ZGRF1: variants seen among roughly 807,000 people sequenced by gnomAD.
ZGRF1 encodes zinc finger GRF-type containing 1, also known as 5'-3' DNA helicase ZGRF1.
In ZGRF1, 196 loss-of-function variants were observed where a neutral mutation model predicts 203.5. The ratio of observed to expected loss-of-function variants is 0.96; its 90% CI spans 0.86 to 1.08. The LOEUF is 1.08. Ranked by LOEUF, ZGRF1 falls within the 50% of genes least tolerant of loss-of-function variation. ZGRF1 has a pLI of 0.00. For synonymous variants in ZGRF1, 809 were observed against 841.3 expected, an observed-to-expected ratio of 0.96 and a Z score of 0.66; for missense variants, 2,326 against 2,416.3, an observed-to-expected ratio of 0.96 and a Z score of 0.78.
chr4:112,604,597 C>T (rs1254275071), intron 9 of ZGRF1, among the ~76,000 whole-genome samples: 1 of 152,146 alleles, frequency 6.6e-6, no homozygotes, highest in Non-Finnish European at 1.5e-5. Context: ...TTTCTCTTTA[C>T]TTAGGGGTTT....
At position 112,586,462 on chromosome 4, in the gene ZGRF1, A is replaced by C. The variant is rs1470892857; in HGVS notation, c.3899T>G (p.Phe1300Cys). ...AGCCATACCTATGAGGCAAGATGTGAAAGTCTGCTTATAATGAGCAGGAGA... is the reference window on the plus strand; with the variant it reads ...AGCCATACCTATGAGGCAAGATGTGCAAGTCTGCTTATAATGAGCAGGAGA... ...FQSPAHYKQT[F>C]TSCLIEHLNI... Residue 1300 changes from phenylalanine to cysteine, a missense_variant, in exon 13 of 28, where the codon TTC (phenylalanine) becomes TGC (cysteine). Physicochemically the swap from Phe to Cys is radical, Grantham distance 205 (BLOSUM62 -2). Coordinates refer to ENST00000505019, the MANE Select transcript of ZGRF1 (RefSeq NM_018392.5). 3.7e-6 allele frequency: 6 copies of C among 1,610,384 alleles called. No individual in the cohort carries two copies. Among genetic ancestry groups the C allele is most frequent in the Non-Finnish European group, 5.1e-6 (6 of 1,177,992 alleles).
intron 9 of ZGRF1, chr4:112,605,549 C>A (rs1205593564): frequency 1.3e-5 from 2 of 155,108 alleles, no homozygotes; most frequent in Non-Finnish European, 1.4e-5. Context: ...TTTACAAAAC[C>A]CATCCATTTT....
chr4:112,567,263 A>G (rs549418660), intron 16 of ZGRF1, among the ~76,000 whole-genome samples: 92 of 152,212 alleles, frequency 6.0e-4, no homozygotes, highest in Non-Finnish European at 1.0e-3. Flanking sequence ...GCCTTCCCCA[A>G]CATATACTGC....
chr4:112,620,029 C>G lies in ZGRF1; in HGVS notation c.324G>C (p.Gln108His). ...FISSGRSLGC[Q>H]PSGLKRKFTG... Reference sequence around the variant, plus strand: ...TAAACTTCCTTTTTAAGCCAGAGGGCTGACATCCAAGAGATCGGCCAGAGG... The same window carrying G: ...TAAACTTCCTTTTTAAGCCAGAGGGGTGACATCCAAGAGATCGGCCAGAGG... The change falls in exon 5 of 28, where the codon CAG becomes CAC. Residue 108 changes from glutamine to histidine, a missense_variant. Coordinates refer to ENST00000505019, the MANE Select transcript of ZGRF1 (RefSeq NM_018392.5). 1 of 1,597,796 alleles carries G rather than the reference C, an allele frequency of 6.3e-7. No homozygotes were observed. The highest frequency in any genetic ancestry group is 8.5e-7 in the Non-Finnish European group (1 of 1,174,658).
In ZGRF1 at chr4:112,622,017, C is replaced by T. The variant is rs368616876; in HGVS notation, c.162+1800G>A. Among the ~76,000 whole-genome samples, 13 of 151,578 alleles carry T rather than the reference C, an allele frequency of 8.6e-5. No individual in the cohort carries two copies. The East Asian group carries it at 1.6e-3, about 19-fold the overall frequency. On this transcript the variant is annotated intron_variant, in intron 4 of 27. Coordinates refer to ENST00000505019, the MANE Select transcript of ZGRF1 (RefSeq NM_018392.5). ...TGCTGGGATTACAGGCGTGAGCCACCGCGCCTGGCCTGAAATGATTTTTAA... is the reference window on the plus strand; with the variant it reads ...TGCTGGGATTACAGGCGTGAGCCACTGCGCCTGGCCTGAAATGATTTTTAA...
Position 112,619,587 on chromosome 4 carries a change from G to A in ZGRF1, c.455C>T (p.Ser152Phe), listed in dbSNP as rs371670282. 1 of 1,613,854 alleles carries A rather than the reference G, an allele frequency of 6.2e-7. No homozygotes were observed. Among genetic ancestry groups the A allele is most frequent in the Non-Finnish European group, 8.5e-7 (1 of 1,179,878 alleles). The change falls in exon 6 of 28, where the codon TCT (serine) becomes TTT (phenylalanine). Residue 152 changes from serine to phenylalanine, a missense_variant. Transcript: ENST00000505019. ...EAKKTGPTIF[S>F]PFCSMPPLFP... ...CAAAGGAGGCATGCTGCAGAATGGA[G>A]AAAAAATAGTAGGGCCAGTTTTCTT...
At chr4:112,574,960 A>C (rs1430154036) in intron 16 of ZGRF1, among the ~76,000 whole-genome samples, 2 of 152,052 alleles carry the variant, frequency 1.3e-5, no homozygotes, top group Non-Finnish European at 2.9e-5. Flanking sequence ...CAGGAGGCAG[A>C]GACTGCAGTG....
chr4:112,632,189 CATTAAAT>C (rs2047433534), intron 2 of ZGRF1, among the ~76,000 whole-genome samples, 179 bp from the exon 3 acceptor site: 1 of 148,872 alleles, frequency 6.7e-6, no homozygotes, highest in Non-Finnish European at 1.5e-5. Flanking sequence ...ATGACAATAA[CATTAAAT>C]ATTAATTAAA....
At position 112,597,186 on chromosome 4, in the gene ZGRF1, CCTG is replaced by C. The variant is rs2149068872; in HGVS notation, c.2976+6335_2976+6337del. On this transcript the variant is annotated intron_variant, in intron 10 of 27. Transcript: ENST00000505019. ...CCGAGATCACACCACTGCACTCCAGCCTGGGTGACAGAGCCAAACTCCATCTAA... is the reference window on the plus strand; with the variant it reads ...CCGAGATCACACCACTGCACTCCAGCGGTGACAGAGCCAAACTCCATCTAA... Among the ~76,000 whole-genome samples the C allele has an allele frequency of 2.7e-5, 4 of 148,806 alleles. No individual in the cohort carries two copies. In the East Asian group the frequency reaches 8.0e-4, roughly 30 times the overall value.
rs138128864 is a variant in ZGRF1, at chr4:112,623,965, T to C, written c.103-89A>G. The C allele has an allele frequency of 1.2e-3, 834 of 681,544 alleles. 7 individuals carry two copies. The African/African-American group carries it at 0.013, about 11-fold the overall frequency. 42.2% of individuals were successfully genotyped at this position (681,544 alleles called of 1,614,324 possible). Reference sequence around the variant, plus strand: ...CAAGAGGAAATAAGTAATTGTTATATAAGTAATCATATAATGAAAGGATTA... The same window carrying C: ...CAAGAGGAAATAAGTAATTGTTATACAAGTAATCATATAATGAAAGGATTA... On this transcript the variant is annotated intron_variant, in intron 3 of 27. Coordinates refer to ENST00000505019, the MANE Select transcript of ZGRF1 (RefSeq NM_018392.5).
At chr4:112,634,150 A>G (rs868046265) in intron 1 of ZGRF1, among the ~76,000 whole-genome samples, 10 of 152,224 alleles carry the variant, frequency 6.6e-5, no homozygotes, top group East Asian at 1.9e-4. Flanking sequence ...ATTGTGCCAG[A>G]TATTATGCTA....
intron 20 of ZGRF1, among the ~76,000 whole-genome samples, chr4:112,555,400 C>A (rs921719634): frequency 6.6e-6 from 1 of 152,304 alleles, no homozygotes; most frequent in East Asian, 1.9e-4. Flanking sequence ...ACTCAACCCT[C>A]TAAAACTTCT....
rs564761420 is a variant in ZGRF1, at chr4:112,619,305, G to A, written c.737C>T (p.Ser246Leu). The A allele has an allele frequency of 1.9e-5, 30 of 1,613,240 alleles. No individual in the cohort carries two copies. The highest frequency in any genetic ancestry group is 1.3e-4 in the African/African-American group (10 of 74,906). Residue 246 changes from serine (S) to leucine (L), a missense_variant, in exon 6 of 28, where the codon TCA becomes TTA. Coordinates refer to ENST00000505019, the MANE Select transcript of ZGRF1 (RefSeq NM_018392.5). Reference protein sequence around the residue: ...DSLASHYSGVSQNIRSKAQIL... With the variant: ...DSLASHYSGVLQNIRSKAQIL... ...CTGTGCTTTGCTTCTGATGTTTTGT[G>A]AAACTCCTGAATAGTGAGATGCCAA...
Position 112,553,725 on chromosome 4 carries a change from T to G in ZGRF1, c.5346+110A>C, listed in dbSNP as rs113227039. 10 of 927,406 alleles carry G rather than the reference T, an allele frequency of 1.1e-5. No homozygotes were observed. In the African/African-American group the frequency reaches 1.3e-4, roughly 12 times the overall value. The allele number at this position is 927,406 out of a possible 1,614,324, so 57.4% of individuals were successfully genotyped here. A position where few individuals can be genotyped will look rare whatever the true frequency, so the allele number is the denominator to read the frequency against. On this transcript the variant is annotated intron_variant, in intron 22 of 27. Coordinates refer to ENST00000505019, the MANE Select transcript of ZGRF1 (RefSeq NM_018392.5). The stretch of plus-strand genomic sequence containing the variant: ...GCATGCACCTTAGTAGAATATAAAC[T>G]ATCATAGCAGTTTGTTTTATTTAAA...
chr4:112,609,776 C>T lies in ZGRF1; in HGVS notation c.2668-347G>A, dbSNP rs530942257. Among the ~76,000 whole-genome samples, 3 of 149,266 alleles carry T rather than the reference C, an allele frequency of 2.0e-5. No homozygotes were observed. In the South Asian group the frequency reaches 6.4e-4, roughly 32 times the overall value. On this transcript the variant is annotated intron_variant, in intron 7 of 27. Transcript: ENST00000505019. ...TTGCGCCACTGCACTCCAGTCTGGG[C>T]GACAAGAGCAAGACTCCATCTCAAA...
Position 112,589,777 on chromosome 4 carries a change from G to A in ZGRF1, c.3074C>T (p.Thr1025Met), listed in dbSNP as rs765127544. 7.4e-6 allele frequency: 12 copies of A among 1,613,520 alleles called. No individual in the cohort carries two copies. Among genetic ancestry groups the A allele is most frequent in the South Asian group, 3.3e-5 (3 of 91,056 alleles). Residue 1025 changes from threonine (T) to methionine (M), a missense_variant, in exon 11 of 28, where the codon ACG becomes ATG. By Grantham distance (81) the Thr-to-Met change is moderately conservative. Coordinates refer to ENST00000505019, the MANE Select transcript of ZGRF1 (RefSeq NM_018392.5). ...DEDFMVEFSE[T>M]SLKARTLPDD... ...AGGTAAAGTTCTTGCTTTCAGGGACGTCTCAGAGAATTCTACCATGAAGTC... is the reference window on the plus strand; with the variant it reads ...AGGTAAAGTTCTTGCTTTCAGGGACATCTCAGAGAATTCTACCATGAAGTC...
chr4:112,566,459 G>A (rs1359783533), intron 16 of ZGRF1, among the ~76,000 whole-genome samples: 3 of 151,420 alleles, frequency 2.0e-5, no homozygotes, highest in Non-Finnish European at 4.4e-5. Flanking sequence ...CCTGCACAAT[G>A]TGCACATGTA....
At chr4:112,633,036 C>CTT (rs2047463420) in intron 2 of ZGRF1, 120 bp downstream of exon 2, 1 of 840,938 alleles carries the variant, frequency 1.2e-6, no homozygotes, top group South Asian at 1.5e-5. Context: ...ACTGAGTAGC[C>CTT]TGTTTTTTGT....
At chr4:112,542,742 T>C (rs757863669) in intron 24 of ZGRF1, among the ~76,000 whole-genome samples, 66 of 152,110 alleles carry the variant, frequency 4.3e-4, no homozygotes, top group Non-Finnish European at 6.3e-4. Flanking sequence ...CCCAACTTTA[T>C]CTATTTTTTT....
Sources: gnomAD v4.1 joint callset for allele counts (sites outside exome capture counted in the v4.1 genomes callset) on GRCh38, gnomAD v4.1.1 for gene constraint, MANE v1.5 for transcripts, NCBI Gene and HGNC (gene_info 2026-07-23, HGNC 2026-07-21) for gene names.